DOK6: variants seen among roughly 807,000 people sequenced by gnomAD.
DOK6 encodes downstream of tyrosine kinase 6.
DOK6 carries 22 observed loss-of-function variants against 44.0 expected under a neutral mutation model. That is an observed-to-expected ratio of 0.50 (90% CI 0.36 to 0.71). DOK6 has a LOEUF of 0.71. Ranked by LOEUF, DOK6 falls within the 30% of genes least tolerant of loss-of-function variation. The pLI is 0.00. For synonymous variants in DOK6, 166 were observed against 145.5 expected (o/e 1.14, Z -1.01); for missense variants, 340 against 416.4 (o/e 0.82, Z 1.60).
intron 7 of DOK6, among the ~76,000 whole-genome samples, chr18:69,838,767 C>T (rs912087372): frequency 5.3e-5 from 8 of 151,204 alleles, no homozygotes; most frequent in African/African-American, 2.4e-5. Flanking sequence ...CTCCCCTAGC[C>T]CCTCCCCTAG....
At chr18:69,749,154 G>A (rs1428298101) in intron 6 of DOK6, among the ~76,000 whole-genome samples, 1 of 152,098 alleles carries the variant, frequency 6.6e-6, no homozygotes, top group African/African-American at 2.4e-5. Context: ...GGGGCCTGTT[G>A]GGGGTTGGGG....
intron 1 of DOK6, among the ~76,000 whole-genome samples, chr18:69,421,373 G>A (rs1275864964): frequency 1.3e-5 from 2 of 152,154 alleles, no homozygotes; most frequent in Non-Finnish European, 1.5e-5. Context: ...TCACCAGAGT[G>A]TAATGCAGAC....
intron 7 of DOK6, among the ~76,000 whole-genome samples, chr18:69,826,758 T>A (rs1981753444): frequency 6.6e-6 from 1 of 152,226 alleles, no homozygotes; most frequent in Non-Finnish European, 1.5e-5. Context: ...CATGGTTTAT[T>A]CATTGTATAA....
At chr18:69,836,268 G>A (rs372013142) in intron 7 of DOK6, among the ~76,000 whole-genome samples, 1 of 151,582 alleles carries the variant, frequency 6.6e-6, no homozygotes, top group African/African-American at 2.4e-5. Flanking sequence ...TGCTTTTATT[G>A]TGTGATACTC....
intron 1 of DOK6, among the ~76,000 whole-genome samples, chr18:69,474,204 C>T (rs1430248542): frequency 6.6e-6 from 1 of 152,240 alleles, no homozygotes; most frequent in East Asian, 1.9e-4. Context: ...CACACACTCT[C>T]TCTCTGGTTT....
chr18:69,730,969 TA>T lies in DOK6; in HGVS notation c.600-7988del, dbSNP rs199953855. Among the ~76,000 whole-genome samples the T allele has an allele frequency of 2.0e-3, 297 of 152,018 alleles. 5 individuals carry two copies. In the East Asian group the frequency reaches 0.05, roughly 26 times the overall value. ...TATATGAAAATAAAATGTTAAAAAT[TA>T]AAAAAAATTCAGTAGATCAAACATA... On this transcript the variant is annotated intron_variant, in intron 5 of 7. Coordinates refer to ENST00000382713, the MANE Select transcript of DOK6 (RefSeq NM_152721.6).
In DOK6 at chr18:69,480,650, C is replaced by T. The variant is rs141423361; in HGVS notation, c.66+79340C>T. Among the ~76,000 whole-genome samples, 7 of 152,206 alleles carry T rather than the reference C, an allele frequency of 4.6e-5. No homozygotes were observed. The East Asian group carries it at 9.6e-4, about 21-fold the overall frequency. ...ACAAGGATATTGTGTAATCCCTCTG[C>T]GTTCTGCTTTTTGAAGGCGTCTTGG... On this transcript the variant is annotated intron_variant, in intron 1 of 7. Coordinates refer to ENST00000382713, the MANE Select transcript of DOK6 (RefSeq NM_152721.6).
chr18:69,725,819 A>G (rs1978304103), intron 5 of DOK6, among the ~76,000 whole-genome samples: 1 of 152,178 alleles, frequency 6.6e-6, no homozygotes, highest in South Asian at 2.1e-4. Context: ...AGTCCCCATT[A>G]TCAGAAAACT....
intron 6 of DOK6, among the ~76,000 whole-genome samples, chr18:69,750,619 A>T (rs1013778433): frequency 1.3e-5 from 2 of 152,220 alleles, no homozygotes; most frequent in Non-Finnish European, 2.9e-5. Context: ...AGGACACTGA[A>T]CACTGTTGCT....
chr18:69,432,006 C>T lies in DOK6; in HGVS notation c.66+30696C>T, dbSNP rs140642650. On this transcript the variant is annotated intron_variant, in intron 1 of 7. Transcript: ENST00000382713. Reference sequence around the variant, plus strand: ...AACATCATACTTTAAAAAACTGCAGCTTAACCATAGGAACTGATGTTAAGT... The same window carrying T: ...AACATCATACTTTAAAAAACTGCAGTTTAACCATAGGAACTGATGTTAAGT... Among the ~76,000 whole-genome samples, 268 of 142,734 alleles carry T rather than the reference C, an allele frequency of 1.9e-3. No individual in the cohort carries two copies. In the Middle Eastern group the frequency reaches 0.027, roughly 15 times the overall value. The allele number at this position is 142,734 out of a possible 152,430, so 93.6% of individuals were successfully genotyped here.
intron 7 of DOK6, among the ~76,000 whole-genome samples, chr18:69,790,823 C>A (rs1226664758): frequency 1.3e-5 from 2 of 152,078 alleles, no homozygotes; most frequent in East Asian, 3.9e-4. Context: ...TTTAAATGTT[C>A]AATAAATTTT....
intron 1 of DOK6, among the ~76,000 whole-genome samples, chr18:69,401,718 C>A (rs976781782): frequency 2.6e-5 from 4 of 152,174 alleles, no homozygotes; most frequent in Non-Finnish European, 4.4e-5. Context: ...TGTTTAGAAT[C>A]ACCATTTTCT....
At chr18:69,564,634 C>A in intron 2 of DOK6, 40 bp downstream of exon 2, 1 of 1,483,626 alleles carries the variant, frequency 6.7e-7, no homozygotes, top group Non-Finnish European at 9.3e-7. Context: ...AATAACTGGG[C>A]CCTTGAAGAC....
chr18:69,612,432 T>TGTGTGCGAGGGCGCAG (rs1984171829), intron 3 of DOK6, among the ~76,000 whole-genome samples: 4 of 147,548 alleles, frequency 2.7e-5, no homozygotes, highest in East Asian at 3.9e-4. Flanking sequence ...CGAGGGCGCA[T>TGTGTGCGAGGGCGCAG]GTGTGCGAGG....
chr18:69,621,856 C>T (rs1484755025), intron 3 of DOK6, among the ~76,000 whole-genome samples: 1 of 152,096 alleles, frequency 6.6e-6, no homozygotes, highest in Non-Finnish European at 1.5e-5. Context: ...TTTATTGTTG[C>T]TGATCACAGT....
chr18:69,435,961 T>C (rs1416981885), intron 1 of DOK6, among the ~76,000 whole-genome samples: 1 of 152,118 alleles, frequency 6.6e-6, no homozygotes, highest in Non-Finnish European at 1.5e-5. Context: ...CTGATAAAGT[T>C]AATATACTTT....
intron 7 of DOK6, among the ~76,000 whole-genome samples, chr18:69,836,936 T>C (rs1246907007): frequency 6.6e-6 from 1 of 152,222 alleles, no homozygotes; most frequent in Admixed American, 6.5e-5. Flanking sequence ...AACCTTCATA[T>C]ATAGAGTACT....
intron 5 of DOK6, among the ~76,000 whole-genome samples, chr18:69,711,406 C>T (rs541662346): frequency 1.9e-4 from 29 of 152,180 alleles, no homozygotes; most frequent in Middle Eastern, 6.8e-3. Context: ...ATTTTCATAC[C>T]GTTGTTAAAA....
At chr18:69,722,862 A>T (rs1055161097) in intron 5 of DOK6, among the ~76,000 whole-genome samples, 1 of 152,174 alleles carries the variant, frequency 6.6e-6, no homozygotes, top group African/African-American at 2.4e-5. Flanking sequence ...TACTAGTAAG[A>T]CTGGTTTAAA....
Sources: gnomAD v4.1 joint callset for allele counts (sites outside exome capture counted in the v4.1 genomes callset) on GRCh38, gnomAD v4.1.1 for gene constraint, MANE v1.5 for transcripts, NCBI Gene and HGNC (gene_info 2026-07-23, HGNC 2026-07-21) for gene names.